The following SCHIP1 variants were observed in gnomAD, a reference collection of about 807,000 sequenced individuals.
The protein encoded by SCHIP1 is schwannomin interacting protein 1, also known as schwannomin-interacting protein 1.
In SCHIP1, 8 loss-of-function variants were observed where a neutral mutation model predicts 29.7. That is an observed-to-expected ratio of 0.27 (90% CI 0.16 to 0.49). The LOEUF (loss-of-function observed/expected upper bound fraction) is 0.49, where lower values mean the gene tolerates loss of function less well. SCHIP1 is among the 20% of genes least tolerant of loss of function. The pLI is 0.99. For missense variants in SCHIP1, 193 were observed against 294.6 expected, an observed-to-expected ratio of 0.66 and a Z score of 2.52; for synonymous variants, 76 against 94.9, an observed-to-expected ratio of 0.80 and a Z score of 1.16.
At chr3:159,711,858 C>T in the SCHIP1 span, among the ~76,000 whole-genome samples, 1 of 152,212 alleles carries the variant, frequency 6.6e-6, no homozygotes, top group Non-Finnish European at 1.5e-5. Context: ...AAGCTGCCAA[C>T]TCTGCCTGAG....
At chr3:159,521,236 T>G in the SCHIP1 span, among the ~76,000 whole-genome samples, 2 of 152,224 alleles carry the variant, frequency 1.3e-5, no homozygotes, top group African/African-American at 4.8e-5. Flanking sequence ...GGATAAATAC[T>G]CTTATCCTGA....
At chr3:159,567,218 G>A in the SCHIP1 span, among the ~76,000 whole-genome samples, 1 of 151,906 alleles carries the variant, frequency 6.6e-6, no homozygotes, top group Non-Finnish European at 1.5e-5. Flanking sequence ...TCCTGTTGAA[G>A]TGAAATTTTT....
At chr3:159,574,844 C>T in the SCHIP1 span, among the ~76,000 whole-genome samples, 1 of 152,224 alleles carries the variant, frequency 6.6e-6, no homozygotes, top group African/African-American at 2.4e-5. Context: ...AACCAGGCTG[C>T]TGCCTTGCAG....
chr3:159,862,657 T>G (rs914591763), intron 1 of SCHIP1, among the ~76,000 whole-genome samples: 1 of 152,162 alleles, frequency 6.6e-6, no homozygotes, highest in Admixed American at 6.5e-5. Context: ...TATAAAATGT[T>G]TAAAATTCTC....
At chr3:159,606,008 T>C in the SCHIP1 span, among the ~76,000 whole-genome samples, 5,322 of 152,222 alleles carry the variant, frequency 0.035, 306 homozygotes, top group African/African-American at 0.12. Flanking sequence ...CTGCCTCACA[T>C]AGCAGAAAGC....
chr3:159,713,290 AG>A, the SCHIP1 span, among the ~76,000 whole-genome samples: 2 of 150,220 alleles, frequency 1.3e-5, no homozygotes, highest in African/African-American at 2.4e-5. Flanking sequence ...GAAAGAAAAA[AG>A]AAAAGAAAGA....
chr3:159,491,401 C>T, the SCHIP1 span, among the ~76,000 whole-genome samples: 6 of 152,236 alleles, frequency 3.9e-5, no homozygotes, highest in Admixed American at 3.9e-4. Flanking sequence ...GGGTCACTCC[C>T]ACCCTAATAC....
chr3:159,862,733 TA>T (rs1178202087), intron 1 of SCHIP1, among the ~76,000 whole-genome samples: 2 of 152,214 alleles, frequency 1.3e-5, no homozygotes, highest in African/African-American at 4.8e-5. Context: ...GTACAGTCAC[TA>T]AAAACATTTA....
the SCHIP1 span, among the ~76,000 whole-genome samples, chr3:159,732,895 A>G: frequency 6.6e-6 from 1 of 152,248 alleles, no homozygotes; most frequent in Admixed American, 6.5e-5. Flanking sequence ...GAATGTCTAT[A>G]GGCCTGGAAG....
At chr3:159,528,927 T>A in the SCHIP1 span, among the ~76,000 whole-genome samples, 1 of 152,208 alleles carries the variant, frequency 6.6e-6, no homozygotes, top group Non-Finnish European at 1.5e-5. Context: ...TTTTTCTATG[T>A]GCACATGACA....
At chr3:159,321,886 C>A in the SCHIP1 span, among the ~76,000 whole-genome samples, 1 of 151,900 alleles carries the variant, frequency 6.6e-6, no homozygotes, top group Non-Finnish European at 1.5e-5. Flanking sequence ...CCTCTTAAAA[C>A]AGTGTTATTT....
the SCHIP1 span, among the ~76,000 whole-genome samples, chr3:159,503,389 A>T: frequency 6.6e-6 from 1 of 152,208 alleles, no homozygotes; most frequent in Non-Finnish European, 1.5e-5. Flanking sequence ...ACACATGGTA[A>T]ATAATAATAC....
the SCHIP1 span, among the ~76,000 whole-genome samples, chr3:159,522,875 A>AAAAAC: frequency 1.3e-5 from 2 of 152,208 alleles, no homozygotes; most frequent in Non-Finnish European, 2.9e-5. Flanking sequence ...CTCAAAAGAC[A>AAAAAC]AAAACAAAAC....
At chr3:159,648,408 A>C in the SCHIP1 span, among the ~76,000 whole-genome samples, 1 of 152,124 alleles carries the variant, frequency 6.6e-6, no homozygotes, top group South Asian at 2.1e-4. Context: ...TCTAAATCTT[A>C]GTTTCCTATT....
At chr3:159,303,825 A>C in the SCHIP1 span, among the ~76,000 whole-genome samples, 1 of 152,094 alleles carries the variant, frequency 6.6e-6, no homozygotes, top group Non-Finnish European at 1.5e-5. Context: ...GTATGCTATA[A>C]TTTTGGATTT....
chr3:159,715,152 G>A, the SCHIP1 span, among the ~76,000 whole-genome samples: 5 of 152,230 alleles, frequency 3.3e-5, no homozygotes, highest in African/African-American at 1.2e-4. Flanking sequence ...TGGACCTCCA[G>A]CAAACTCCAA....
chr3:159,364,645 G>A, the SCHIP1 span, among the ~76,000 whole-genome samples: 1 of 152,150 alleles, frequency 6.6e-6, no homozygotes, highest in Non-Finnish European at 1.5e-5. Flanking sequence ...AATGCTTTGT[G>A]GTTTGATTGA....
chr3:159,350,520 T>C, the SCHIP1 span, among the ~76,000 whole-genome samples: 1 of 152,164 alleles, frequency 6.6e-6, no homozygotes, highest in Non-Finnish European at 1.5e-5. Flanking sequence ...GAGATGATGA[T>C]GATAAAATAG....
the SCHIP1 span, among the ~76,000 whole-genome samples, chr3:159,284,552 A>C: frequency 6.6e-6 from 1 of 152,066 alleles, no homozygotes; most frequent in African/African-American, 2.4e-5. Context: ...GCAGTGGTGT[A>C]ATCTCAGCTC....
Sources: gnomAD v4.1 joint callset for allele counts (sites outside exome capture counted in the v4.1 genomes callset) on GRCh38, gnomAD v4.1.1 for gene constraint, MANE v1.5 for transcripts, NCBI Gene and HGNC (gene_info 2026-07-23, HGNC 2026-07-21) for gene names.